KDM2A: variants seen among roughly 807,000 people sequenced by gnomAD.
KDM2A encodes the protein lysine-specific demethylase 2A.
KDM2A carries 3 observed loss-of-function variants against 137.3 expected under a neutral mutation model. The ratio of observed to expected loss-of-function variants is 0.02; its 90% CI spans 0.01 to 0.06. The LOEUF is 0.06. KDM2A is among the 10% of genes least tolerant of loss of function. The pLI, the probability that KDM2A is intolerant of heterozygous loss-of-function variation, is 1.00. For missense variants in KDM2A, 738 were observed against 1,510.6 expected (o/e 0.49, Z 8.48); for synonymous variants, 512 against 541.5 (o/e 0.95, Z 0.76).
At chr11:67,178,117 A>G (rs1857010340) in intron 2 of KDM2A, among the ~76,000 whole-genome samples, 1 of 152,218 alleles carries the variant, frequency 6.6e-6, no homozygotes, top group African/African-American at 2.4e-5. Context: ...TTTAAAGTGT[A>G]CAAGTCAGCT....
intron 16 of KDM2A, among the ~76,000 whole-genome samples, chr11:67,249,260 T>TAGC (rs1859335572): frequency 6.6e-6 from 1 of 152,236 alleles, no homozygotes; most frequent in South Asian, 2.1e-4. Context: ...ATCTCTGCTG[T>TAGC]AGCAGATGTG....
chr11:67,165,655 C>CT (rs1856724295), intron 2 of KDM2A, among the ~76,000 whole-genome samples: 1 of 152,230 alleles, frequency 6.6e-6, no homozygotes, highest in South Asian at 2.1e-4. Context: ...CATTTATAGA[C>CT]TATCTTCTGG....
At chr11:67,163,938 A>G (rs1856688870) in intron 2 of KDM2A, among the ~76,000 whole-genome samples, 1 of 152,084 alleles carries the variant, frequency 6.6e-6, no homozygotes, top group South Asian at 2.1e-4. Flanking sequence ...TCCTCATACA[A>G]CCCTGTGGAA....
intron 5 of KDM2A, chr11:67,196,340 G>T (rs1230912637): frequency 1.5e-5 from 7 of 454,654 alleles, no homozygotes; most frequent in Admixed American, 4.7e-5. Flanking sequence ...AGGTCTCACT[G>T]TGTTGCCCAA....
At chr11:67,202,578 C>T (rs951537699) in intron 5 of KDM2A, among the ~76,000 whole-genome samples, 1 of 151,936 alleles carries the variant, frequency 6.6e-6, no homozygotes, top group African/African-American at 2.4e-5. Flanking sequence ...TGAGACCATC[C>T]TGGCTAACAT....
At chr11:67,168,582 T>TACACAC (rs71056179) in intron 2 of KDM2A, among the ~76,000 whole-genome samples, 2 of 33,980 alleles carry the variant, frequency 5.9e-5, no homozygotes, top group African/African-American at 2.7e-4. Flanking sequence ...GTATGAATTA[T>TACACAC]ACACACACAC....
chr11:67,256,136 C>T lies in KDM2A; in HGVS notation c.*1081C>T, dbSNP rs1039446069. 2 of 155,358 alleles carry T rather than the reference C, an allele frequency of 1.3e-5. No individual in the cohort carries two copies. Among genetic ancestry groups the T allele is most frequent in the Non-Finnish European group, 2.8e-5 (2 of 70,230 alleles). 9.6% of individuals were successfully genotyped at this position (155,358 alleles called of 1,614,324 possible). A position where few individuals can be genotyped will look rare whatever the true frequency, so the allele number is the denominator to read the frequency against. On this transcript the variant is annotated 3_prime_UTR_variant, in exon 21 of 21. Coordinates refer to ENST00000529006, the MANE Select transcript of KDM2A (RefSeq NM_012308.3). The stretch of plus-strand genomic sequence containing the variant: ...CCTGCTTAGAAGCCAGTCACCAGCC[C>T]TCTGCCTGCAGCCATGGAAGGGGGT...
chr11:67,218,011 T>A (rs960369943), intron 9 of KDM2A, 127 bp downstream of exon 9: 1 of 837,532 alleles, frequency 1.2e-6, no homozygotes, highest in South Asian at 1.9e-5. Flanking sequence ...TTTCTTCCTG[T>A]CATTATGGAA....
chr11:67,225,318 CAT>C (rs1858505566), intron 10 of KDM2A, among the ~76,000 whole-genome samples: 1 of 152,142 alleles, frequency 6.6e-6, no homozygotes, highest in Non-Finnish European at 1.5e-5. Context: ...TCCTAGAAAA[CAT>C]AGCATTCCTA....
intron 2 of KDM2A, among the ~76,000 whole-genome samples, chr11:67,150,158 A>G (rs1178644274): frequency 6.6e-6 from 1 of 152,214 alleles, no homozygotes; most frequent in African/African-American, 2.4e-5. Flanking sequence ...AGAAACTAAA[A>G]AGTAAGAAAC....
chr11:67,220,310 C>T (rs1858307135), intron 10 of KDM2A, among the ~76,000 whole-genome samples: 1 of 152,182 alleles, frequency 6.6e-6, no homozygotes, highest in Non-Finnish European at 1.5e-5. Context: ...CTGCATCCCA[C>T]AGTATCTTGG....
chr11:67,205,951 C>T (rs1356058418), intron 5 of KDM2A, among the ~76,000 whole-genome samples: 2 of 152,100 alleles, frequency 1.3e-5, no homozygotes, highest in African/African-American at 4.8e-5. Flanking sequence ...TCTGATCAGT[C>T]TAATAAAAAT....
intron 12 of KDM2A, among the ~76,000 whole-genome samples, chr11:67,241,764 TTC>T (rs1247542708): frequency 6.6e-6 from 1 of 152,164 alleles, no homozygotes; most frequent in Admixed American, 6.5e-5. Flanking sequence ...TTTCAGGAGT[TTC>T]TGTCTAAAAC....
chr11:67,198,758 AGTTT>A (rs1235930060), intron 5 of KDM2A, among the ~76,000 whole-genome samples: 8 of 136,862 alleles, frequency 5.8e-5, no homozygotes, highest in Non-Finnish European at 9.1e-5. Flanking sequence ...GGTGATCAGT[AGTTT>A]GTTTTGTTTT....
chr11:67,150,640 A>G (rs1276940775), intron 2 of KDM2A, among the ~76,000 whole-genome samples: 1 of 152,218 alleles, frequency 6.6e-6, no homozygotes, highest in Middle Eastern at 3.4e-3. Flanking sequence ...GAGAGGAGGG[A>G]TCTAAGAGTT....
intron 12 of KDM2A, among the ~76,000 whole-genome samples, chr11:67,234,990 C>CA (rs1222930504): frequency 4.0e-5 from 6 of 151,406 alleles, no homozygotes; most frequent in African/African-American, 1.5e-4. Flanking sequence ...AGAAAAAATA[C>CA]AAAAATTAGC....
At chr11:67,209,351 TAGTG>T (rs1167339484) in intron 6 of KDM2A, among the ~76,000 whole-genome samples, 1 of 152,098 alleles carries the variant, frequency 6.6e-6, no homozygotes, top group African/African-American at 2.4e-5. Flanking sequence ...AATAGGAATT[TAGTG>T]AGAGGGATGG....
chr11:67,222,081 ATTTATTTT>A (rs1858375198), intron 10 of KDM2A, among the ~76,000 whole-genome samples: 1 of 75,514 alleles, frequency 1.3e-5, no homozygotes, highest in African/African-American at 5.2e-5. Flanking sequence ...TTTTTTTTTA[ATTTATTTT>A]TTTATTGATA....
intron 2 of KDM2A, chr11:67,131,969 C>CT (rs2136284383): frequency 6.6e-6 from 1 of 152,212 alleles, no homozygotes; most frequent in South Asian, 2.1e-4. Context: ...GGGTTTTTCT[C>CT]TGTCTGTGAG....
Sources: allele counts gnomAD v4.1 joint callset (sites outside exome capture counted in the v4.1 genomes callset), GRCh38; gene constraint gnomAD v4.1.1; transcripts MANE v1.5; gene names NCBI Gene and HGNC (gene_info 2026-07-23, HGNC 2026-07-21).